The following ALK variants were observed in gnomAD, a reference collection of about 807,000 sequenced individuals.
ALK encodes ALK tyrosine kinase receptor.
A neutral mutation model predicts 163.1 loss-of-function variants in ALK; 74 were observed. The ratio of observed to expected loss-of-function variants is 0.45; its 90% confidence interval spans 0.38 to 0.55. The LOEUF (loss-of-function observed/expected upper bound fraction) is 0.55. Among genes scored for constraint, ALK ranks in the 20% least tolerant of loss-of-function variants. ALK has a pLI of 0.00. For synonymous variants in ALK, 960 were observed against 843.2 expected (o/e 1.14, Z -2.40); for missense variants, 2,063 against 2,105.3 (o/e 0.98, Z 0.39).
intron 3 of ALK, among the ~76,000 whole-genome samples, chr2:29,664,995 CT>C (rs1377331896): frequency 1.4e-5 from 2 of 145,720 alleles, no homozygotes; most frequent in African/African-American, 5.3e-5. Context: ...CCTTTTTTTT[CT>C]TTTTTTCTTT....
At chr2:29,670,523 C>T (rs11520497) in intron 3 of ALK, among the ~76,000 whole-genome samples, 4 of 151,806 alleles carry the variant, frequency 2.6e-5, no homozygotes, top group East Asian at 1.9e-4. Context: ...TTCTGGTGTT[C>T]ATAGACCTTG....
intron 1 of ALK, among the ~76,000 whole-genome samples, chr2:29,819,125 A>G (rs1380194183): frequency 6.6e-6 from 1 of 152,210 alleles, no homozygotes; most frequent in Non-Finnish European, 1.5e-5. Context: ...AGCCTGTTAT[A>G]AATAAAGAAT....
chr2:29,210,104 T>G (rs1362811247), intron 24 of ALK, among the ~76,000 whole-genome samples: 2 of 152,160 alleles, frequency 1.3e-5, no homozygotes, highest in Admixed American at 6.5e-5. Context: ...TTAAAAATGT[T>G]TAATGGGGCA....
At chr2:29,629,127 C>G (rs1251280127) in intron 3 of ALK, among the ~76,000 whole-genome samples, 2 of 152,204 alleles carry the variant, frequency 1.3e-5, no homozygotes, top group Non-Finnish European at 2.9e-5. Context: ...GGGGTCATAT[C>G]TAGACCTGAA....
chr2:29,783,788 G>A (rs931068225), intron 1 of ALK, among the ~76,000 whole-genome samples: 1 of 152,148 alleles, frequency 6.6e-6, no homozygotes, highest in Non-Finnish European at 1.5e-5. Context: ...TCCTCACTGG[G>A]TTCCCTGGGG....
chr2:29,805,613 GT>G (rs1002955433), intron 1 of ALK, among the ~76,000 whole-genome samples: 1 of 152,132 alleles, frequency 6.6e-6, no homozygotes, highest in African/African-American at 2.4e-5. Context: ...CTGTTCCTGT[GT>G]TACTTTGCTG....
intron 12 of ALK, among the ~76,000 whole-genome samples, chr2:29,242,888 G>T (rs1664560699): frequency 6.6e-6 from 1 of 152,198 alleles, no homozygotes; most frequent in South Asian, 2.1e-4. Context: ...CTGGGTGGTG[G>T]CCTCAGCCCC....
intron 1 of ALK, among the ~76,000 whole-genome samples, chr2:29,878,566 A>T (rs1666780092): frequency 6.6e-6 from 1 of 152,240 alleles, no homozygotes; most frequent in African/African-American, 2.4e-5. Flanking sequence ...GAGGCATTTT[A>T]AAACAACTTC....
chr2:29,811,572 T>C (rs1664761040), intron 1 of ALK, among the ~76,000 whole-genome samples: 1 of 152,222 alleles, frequency 6.6e-6, no homozygotes, highest in Admixed American at 6.5e-5. Context: ...TGGAACTAAC[T>C]CATTGCTTCA....
chr2:29,452,886 A>T (rs978419021), intron 4 of ALK, among the ~76,000 whole-genome samples: 1 of 152,202 alleles, frequency 6.6e-6, no homozygotes, highest in East Asian at 1.9e-4. Flanking sequence ...AAATTGAGTG[A>T]CGTTGTACCA....
chr2:29,265,355 C>T (rs1293530235), intron 11 of ALK, among the ~76,000 whole-genome samples: 2 of 152,118 alleles, frequency 1.3e-5, no homozygotes, highest in South Asian at 2.1e-4. Flanking sequence ...GAGTCCTACT[C>T]CTTAGCAGCG....
At chr2:29,289,649 C>T (rs578174643) in intron 9 of ALK, among the ~76,000 whole-genome samples, 6 of 152,306 alleles carry the variant, frequency 3.9e-5, no homozygotes, top group Admixed American at 6.5e-5. Context: ...CAACTCCCCT[C>T]GCGAGAGGCA....
chr2:29,745,062 G>A (rs957566203), intron 1 of ALK, among the ~76,000 whole-genome samples: 14 of 152,138 alleles, frequency 9.2e-5, no homozygotes, highest in South Asian at 2.1e-4. Flanking sequence ...GTGAGGAATC[G>A]ATTTTCACTG....
chr2:29,265,735 C>G (rs1665205467), intron 11 of ALK, among the ~76,000 whole-genome samples: 1 of 152,182 alleles, frequency 6.6e-6, no homozygotes, highest in Non-Finnish European at 1.5e-5. Flanking sequence ...TGCCTGTAAT[C>G]TCAGCACTTT....
intron 4 of ALK, among the ~76,000 whole-genome samples, chr2:29,468,506 G>A (rs1469380683): frequency 6.6e-6 from 1 of 152,084 alleles, no homozygotes; most frequent in Non-Finnish European, 1.5e-5. Context: ...ATAAGTTCAT[G>A]AACATACATT....
At chr2:29,827,586 C>A (rs1338930426) in intron 1 of ALK, among the ~76,000 whole-genome samples, 2 of 152,108 alleles carry the variant, frequency 1.3e-5, no homozygotes, top group Non-Finnish European at 2.9e-5. Flanking sequence ...AGGCTCAAAC[C>A]CTATGTGAGG....
At chr2:29,772,836 C>A (rs1261338755) in intron 1 of ALK, among the ~76,000 whole-genome samples, 1 of 152,186 alleles carries the variant, frequency 6.6e-6, no homozygotes, top group African/African-American at 2.4e-5. Flanking sequence ...CAGCCTCTTA[C>A]AGGTCTTGAT....
intron 1 of ALK, among the ~76,000 whole-genome samples, chr2:29,794,461 C>T (rs1664258902): frequency 6.6e-6 from 1 of 152,152 alleles, no homozygotes; most frequent in Non-Finnish European, 1.5e-5. Context: ...CTTTCCATCA[C>T]ACTTGATTAA....
At chr2:29,528,790 T>C (rs1040933084) in intron 4 of ALK, among the ~76,000 whole-genome samples, 1 of 152,202 alleles carries the variant, frequency 6.6e-6, no homozygotes, top group African/African-American at 2.4e-5. Context: ...ATGGGGACTT[T>C]ATGGCCACTA....
Sources: allele counts gnomAD v4.1 joint callset (sites outside exome capture counted in the v4.1 genomes callset), GRCh38; gene constraint gnomAD v4.1.1; transcripts MANE v1.5; gene names NCBI Gene and HGNC (gene_info 2026-07-23, HGNC 2026-07-21).